Variants in PDLIM4 observed in about 807,000 individuals in gnomAD.
PDLIM4 encodes the protein PDZ and LIM domain protein 4.
In PDLIM4, 19 loss-of-function variants were observed where a neutral mutation model predicts 31.3. That is an observed-to-expected ratio of 0.61 (90% CI 0.42 to 0.89). PDLIM4 has a LOEUF of 0.89. Among genes scored for constraint, PDLIM4 ranks in the 40% least tolerant of loss-of-function variants. The probability of loss-of-function intolerance (pLI) is 0.00; values close to 1 mark genes in which losing one functional copy is unlikely to be tolerated. For missense variants in PDLIM4, 442 were observed against 461.1 expected (o/e 0.96, Z 0.38); for synonymous variants, 176 against 190.1 (o/e 0.93, Z 0.61).
chr5:132,272,372 A>G lies in PDLIM4; in HGVS notation c.*143A>G. On this transcript the variant is annotated 3_prime_UTR_variant, in exon 7 of 7. Transcript: ENST00000253754. ...TGCCACCCTCCTGCGCAGGCCATGC[A>G]TGGCTCCCGAGTACAGTAGTATCTG... The G allele has an allele frequency of 4.3e-6, 3 of 690,016 alleles. No individual in the cohort carries two copies. Among genetic ancestry groups the G allele is most frequent in the Non-Finnish European group, 7.7e-6 (3 of 389,774 alleles). 42.7% of individuals were successfully genotyped at this position (690,016 alleles called of 1,614,324 possible).
At chr5:132,267,872 G>A (rs1756524944) in intron 3 of PDLIM4, among the ~76,000 whole-genome samples, 1 of 152,186 alleles carries the variant, frequency 6.6e-6, no homozygotes, top group African/African-American at 2.4e-5. Flanking sequence ...TGGCCCCATG[G>A]ACCCCAGACC....
chr5:132,271,667 G>A (rs781744683), intron 5 of PDLIM4, 124 bp from the exon 6 acceptor site: 14 of 933,318 alleles, frequency 1.5e-5, no homozygotes, highest in Admixed American at 5.3e-5. Flanking sequence ...CTCACCCCAC[G>A]CCCGCCAAAC....
chr5:132,272,350 C>G lies in PDLIM4; in HGVS notation c.*121C>G. 1.3e-6 allele frequency: 1 copy of G among 798,438 alleles called. No homozygotes were observed. Among genetic ancestry groups the G allele is most frequent in the Non-Finnish European group, 2.1e-6 (1 of 480,986 alleles). The allele number at this position is 798,438 out of a possible 1,614,324, so 49.5% of individuals were successfully genotyped here. On this transcript the variant is annotated 3_prime_UTR_variant, in exon 7 of 7. Transcript: ENST00000253754. The stretch of plus-strand genomic sequence containing the variant: ...ACCTTGAACCTGTCACCTGGCCTGC[C>G]ACCCTCCTGCGCAGGCCATGCATGG...
At position 132,266,560 on chromosome 5, in the gene PDLIM4, T is replaced by TGCCTG. The variant is rs1373335355; in HGVS notation, c.327+28_327+32dup. 9 of 1,587,846 alleles carry TGCCTG rather than the reference T, an allele frequency of 5.7e-6. No individual in the cohort carries two copies. Among genetic ancestry groups the TGCCTG allele is most frequent in the Non-Finnish European group, 6.9e-6 (8 of 1,157,954 alleles). On this transcript the variant is annotated intron_variant, in intron 3 of 6. Transcript: ENST00000253754. ...CTGAGATCCAGGTATGTACAGACACTGCCTGGCCTGGCCTGGCTCAGAGTG... is the reference window on the plus strand; with the variant it reads ...CTGAGATCCAGGTATGTACAGACACTGCCTGGCCTGGCCTGGCCTGGCTCAGAGTG...
chr5:132,262,847 C>T (rs949062459), intron 2 of PDLIM4, 87 bp downstream of exon 2: 1 of 1,289,592 alleles, frequency 7.8e-7, no homozygotes, highest in Non-Finnish European at 1.1e-6. Flanking sequence ...CCCAGCTTCA[C>T]ACAGCCTCTC....
At chr5:132,271,653 G>A (rs1756620354) in intron 5 of PDLIM4, 138 bp from the exon 6 acceptor site, 1 of 933,892 alleles carries the variant, frequency 1.1e-6, no homozygotes, top group Non-Finnish European at 1.8e-6. Flanking sequence ...CCCTGTCGCT[G>A]CCCCTCACCC....
chr5:132,262,505 CAGGCCACACTGGCT>C, intron 1 of PDLIM4, 90 bp from the exon 2 acceptor site: 1 of 1,060,204 alleles, frequency 9.4e-7, no homozygotes, highest in East Asian at 2.9e-5. Flanking sequence ...ATGCTGGTAG[CAGGCCACACTGGCT>C]AGGTTCTGAG....
chr5:132,261,542 A>G (rs1756373554), intron 1 of PDLIM4: 1 of 152,246 alleles, frequency 6.6e-6, no homozygotes, highest in Non-Finnish European at 1.5e-5. Context: ...GAGGCTGGGT[A>G]AGAAATATAT....
chr5:132,260,716 CCTT>C (rs1319274391), intron 1 of PDLIM4, among the ~76,000 whole-genome samples: 1 of 152,238 alleles, frequency 6.6e-6, no homozygotes, highest in Non-Finnish European at 1.5e-5. Flanking sequence ...AATTAACTAT[CCTT>C]CTGTACTTCT....
At chr5:132,271,744 T>A in intron 5 of PDLIM4, 47 bp from the exon 6 acceptor site, 1 of 1,310,532 alleles carries the variant, frequency 7.6e-7, no homozygotes, top group Non-Finnish European at 1.1e-6. Context: ...AGAAATGGAG[T>A]TCTGACCTCC....
intron 3 of PDLIM4, among the ~76,000 whole-genome samples, chr5:132,269,821 C>T (rs190435432): frequency 6.6e-6 from 1 of 152,292 alleles, no homozygotes; most frequent in East Asian, 1.9e-4. Context: ...CAGACATCAT[C>T]CTAAAATCAG....
Position 132,272,337 on chromosome 5 carries a change from T to C in PDLIM4, c.*108T>C. 1 of 918,082 alleles carries C rather than the reference T, an allele frequency of 1.1e-6. No individual in the cohort carries two copies. The highest frequency in any genetic ancestry group is 1.7e-6 in the Non-Finnish European group (1 of 585,718). 56.9% of individuals were successfully genotyped at this position (918,082 alleles called of 1,614,324 possible). ...GCTCCTCTGCTCCACCTTGAACCTG[T>C]CACCTGGCCTGCCACCCTCCTGCGC... On this transcript the variant is annotated 3_prime_UTR_variant, in exon 7 of 7. Transcript: ENST00000253754.
intron 1 of PDLIM4, among the ~76,000 whole-genome samples, chr5:132,258,135 G>A (rs1462208186): frequency 6.6e-6 from 1 of 152,226 alleles, no homozygotes; most frequent in East Asian, 1.9e-4. Context: ...TGGGCCAGGG[G>A]TCTAGACAGC....
In PDLIM4 at chr5:132,266,494, T is replaced by G. The variant is rs770405921; in HGVS notation, c.276T>G (p.Pro92=). The G allele has an allele frequency of 2.5e-6, 4 of 1,613,254 alleles. No individual in the cohort carries two copies. The African/African-American group carries it at 4.0e-5, about 16-fold the overall frequency. Reference sequence around the variant, plus strand: ...AGGGTAGGAGCTGGCCCAGTGCCCCTGATGACAGCAAGGCTCAGGCACACA... The same window carrying G: ...AGGGTAGGAGCTGGCCCAGTGCCCCGGATGACAGCAAGGCTCAGGCACACA... ...RPEGRSWPSA[P]DDSKAQAHRI... is the part of the protein sequence containing the mutation. Residue 92 remains proline, a synonymous_variant, in exon 3 of 7, where the codon CCT becomes CCG. Transcript: ENST00000253754.
intron 3 of PDLIM4, 68 bp downstream of exon 3, chr5:132,266,613 G>A (rs1346572493): frequency 1.1e-5 from 11 of 1,023,176 alleles, no homozygotes; most frequent in Non-Finnish European, 1.3e-5. Flanking sequence ...CCAGCATGCA[G>A]GTTCACCTGC....
At position 132,262,725 on chromosome 5, in the gene PDLIM4, GGGC is replaced by G. The variant is rs1214780657; in HGVS notation, c.211_213del (p.Gly71del). 7.4e-6 allele frequency: 12 copies of G among 1,613,744 alleles called. No individual in the cohort carries two copies. The highest frequency in any genetic ancestry group is 9.3e-6 in the Non-Finnish European group (11 of 1,179,880). On this transcript the variant is annotated inframe_deletion, in exon 2 of 7. Transcript: ENST00000253754. Reference sequence around the variant, plus strand: ...ACCTGGAGGCACAGAACCGCATCAAGGGCTGCCACGATCACCTCACACTGTCTG... The same window carrying G: ...ACCTGGAGGCACAGAACCGCATCAAGTGCCACGATCACCTCACACTGTCTG...
intron 1 of PDLIM4, among the ~76,000 whole-genome samples, chr5:132,259,574 G>A (rs967531550): frequency 1.3e-5 from 2 of 152,272 alleles, no homozygotes; most frequent in East Asian, 1.9e-4. Context: ...GATTTACAGC[G>A]CTGGGGAGGC....
chr5:132,262,869 C>T, intron 2 of PDLIM4, 109 bp downstream of exon 2: 1 of 1,022,882 alleles, frequency 9.8e-7, no homozygotes, highest in Non-Finnish European at 1.4e-6. Flanking sequence ...GCCTCAGCTC[C>T]TGGGTGCCCC....
rs1561523845 is a variant in PDLIM4, at chr5:132,271,394, C to G, written c.598C>G (p.Pro200Ala). 8 of 1,607,716 alleles carry G rather than the reference C, an allele frequency of 5.0e-6. No homozygotes were observed. Among genetic ancestry groups the G allele is most frequent in the Non-Finnish European group, 5.9e-6 (7 of 1,179,674 alleles). Residue 200 changes from proline (P) to alanine (A), a missense_variant, in exon 5 of 7, where the codon CCC (proline) becomes GCC (alanine). Transcript: ENST00000253754. Reference sequence around the variant, plus strand: ...CAGGATGCTGCGGGAGCCAGCCGAGCCCGTGGCCGCGGAGCCCAAGCAGTC... The same window carrying G: ...CAGGATGCTGCGGGAGCCAGCCGAGGCCGTGGCCGCGGAGCCCAAGCAGTC... ...VYRMLREPAE[P>A]VAAEPKQSGS...
Sources: gnomAD v4.1 joint callset for allele counts (sites outside exome capture counted in the v4.1 genomes callset) on GRCh38, gnomAD v4.1.1 for gene constraint, MANE v1.5 for transcripts, NCBI Gene and HGNC (gene_info 2026-07-23, HGNC 2026-07-21) for gene names.